Variants in KLHL8 observed in about 807,000 individuals in gnomAD.
KLHL8 encodes the protein kelch like family member 8.
Under a neutral mutation model 63.5 loss-of-function variants are expected in KLHL8, and 38 were observed. The observed-to-expected ratio is 0.60, with a 90% CI of 0.46 to 0.78. The LOEUF (loss-of-function observed/expected upper bound fraction) is 0.78, where lower values mean the gene tolerates loss of function less well. KLHL8 is among the 30% of genes least tolerant of loss of function. KLHL8 has a pLI of 0.00. For missense variants in KLHL8, 566 were observed against 752.4 expected, an observed-to-expected ratio of 0.75 and a Z score of 2.90; for synonymous variants, 224 against 254.3, an observed-to-expected ratio of 0.88 and a Z score of 1.13.
intron 8 of KLHL8, chr4:87,167,143 T>TA: frequency 2.0e-6 from 1 of 490,154 alleles, no homozygotes; most frequent in South Asian, 1.8e-5. Flanking sequence ...TTTATCAAGA[T>TA]AAAAGGATTT....
intron 2 of KLHL8, among the ~76,000 whole-genome samples, chr4:87,190,649 A>T (rs1293809850): frequency 6.6e-6 from 1 of 152,068 alleles, no homozygotes; most frequent in Non-Finnish European, 1.5e-5. Flanking sequence ...GTCTTTAAAA[A>T]AAAAAAAAAA....
intron 7 of KLHL8, 95 bp from the exon 8 acceptor site, chr4:87,170,333 G>T: frequency 7.0e-7 from 1 of 1,434,366 alleles, no homozygotes; most frequent in Non-Finnish European, 9.5e-7. Context: ...AGTATTTCAG[G>T]AAATAATATG....
At chr4:87,191,178 A>AT (rs201550575) in intron 2 of KLHL8, among the ~76,000 whole-genome samples, 3,402 of 152,282 alleles carry the variant, frequency 0.022, 67 homozygotes, top group Non-Finnish European at 0.036. Flanking sequence ...TATTTTTTAA[A>AT]TTACTAGAGG....
chr4:87,194,577 G>A (rs1731623481), intron 2 of KLHL8, among the ~76,000 whole-genome samples: 1 of 152,160 alleles, frequency 6.6e-6, no homozygotes, highest in South Asian at 2.1e-4. Context: ...AGGCGGCTGT[G>A]GCAGGAGGAC....
chr4:87,212,018 G>A (rs1204534782), intron 1 of KLHL8, among the ~76,000 whole-genome samples: 5 of 151,952 alleles, frequency 3.3e-5, no homozygotes, highest in Middle Eastern at 3.2e-3. Context: ...CTGTCCTTAC[G>A]TATAGAAAAA....
In KLHL8 at chr4:87,183,355, A is replaced by G. The variant is rs753972535; in HGVS notation, c.800T>C (p.Met267Thr). 8.1e-6 allele frequency: 13 copies of G among 1,610,854 alleles called. No individual in the cohort carries two copies. In the Middle Eastern group the frequency reaches 4.9e-4, roughly 61 times the overall value. ...AATCTGTTCTTTTGCCACAACACCCATAAGAAAATCAACCGGCAACAATGG... is the reference window on the plus strand; with the variant it reads ...AATCTGTTCTTTTGCCACAACACCCGTAAGAAAATCAACCGGCAACAATGG... ...RLPLLPVDFL[M>T]GVVAKEQIVK... is the part of the protein sequence containing the mutation. The change falls in exon 4 of 10, where the codon ATG (methionine) becomes ACG (threonine). Residue 267 changes from methionine to threonine, a missense_variant. Transcript: ENST00000273963.
intron 8 of KLHL8, among the ~76,000 whole-genome samples, chr4:87,169,204 C>T (rs1202747424): frequency 6.6e-6 from 1 of 152,144 alleles, no homozygotes; most frequent in Non-Finnish European, 1.5e-5. Context: ...ACTCAGAAGG[C>T]TGAGGCAGGA....
intron 8 of KLHL8, chr4:87,166,797 C>T (rs1730416596): frequency 6.5e-6 from 1 of 153,568 alleles, no homozygotes. Flanking sequence ...AATTACTGAA[C>T]ACTACAGCCA....
chr4:87,195,601 G>T lies in KLHL8; in HGVS notation c.-62C>A. ...AACATGCCATTTATTTTTTTTCAAAGGGTAGAGAGAAGGCAGAAGGTAGAT... is the reference window on the plus strand; with the variant it reads ...AACATGCCATTTATTTTTTTTCAAATGGTAGAGAGAAGGCAGAAGGTAGAT... On this transcript the variant is annotated 5_prime_UTR_variant, in exon 2 of 10. Transcript: ENST00000273963. The T allele has an allele frequency of 7.0e-7, 1 of 1,425,360 alleles. No homozygotes were observed. Among genetic ancestry groups the T allele is most frequent in the Non-Finnish European group, 9.8e-7 (1 of 1,021,460 alleles). 88.3% of individuals were successfully genotyped at this position (1,425,360 alleles called of 1,614,324 possible).
intron 1 of KLHL8, among the ~76,000 whole-genome samples, chr4:87,230,081 G>A (rs889735521): frequency 6.6e-6 from 1 of 152,102 alleles, no homozygotes; most frequent in African/African-American, 2.4e-5. Flanking sequence ...GTTTAGTAAA[G>A]GTGTGGACAG....
chr4:87,167,388 C>A, intron 8 of KLHL8: 1 of 450,346 alleles, frequency 2.2e-6, no homozygotes. Flanking sequence ...TCATCCTGGT[C>A]ATGGAGATTT....
chr4:87,163,677 A>G lies in KLHL8; in HGVS notation c.1740-35T>C, dbSNP rs551817861. 27 of 1,610,854 alleles carry G rather than the reference A, an allele frequency of 1.7e-5. No individual in the cohort carries two copies. The South Asian group carries it at 2.0e-4, about 12-fold the overall frequency. On this transcript the variant is annotated intron_variant, in intron 9 of 9. Coordinates refer to ENST00000273963, the MANE Select transcript of KLHL8 (RefSeq NM_020803.5). ...CGGAGAAGAAAAAATGTTACAAAGC[A>G]TAATTTACTTTACTCAAAATACTAA... is the stretch of plus-strand genomic sequence containing the variant.
chr4:87,229,440 G>T (rs763601054), intron 1 of KLHL8, among the ~76,000 whole-genome samples: 18 of 19,382 alleles, frequency 9.3e-4, no homozygotes, highest in Admixed American at 3.5e-3. Flanking sequence ...TTTTTTGGTG[G>T]GGGGGGGTGC....
chr4:87,185,888 T>A, intron 2 of KLHL8, 89 bp from the exon 3 acceptor site: 1 of 1,106,886 alleles, frequency 9.0e-7, no homozygotes, highest in Non-Finnish European at 1.3e-6. Context: ...AGGGACAAAA[T>A]TTCCAGACAA....
intron 1 of KLHL8, among the ~76,000 whole-genome samples, chr4:87,238,623 G>T (rs1222043320): frequency 6.6e-6 from 1 of 152,176 alleles, no homozygotes; most frequent in Non-Finnish European, 1.5e-5. Context: ...AAAGAAAATT[G>T]TTAATTTTAT....
chr4:87,229,368 T>G (rs1211492961), intron 1 of KLHL8, among the ~76,000 whole-genome samples: 1 of 152,024 alleles, frequency 6.6e-6, no homozygotes, highest in Non-Finnish European at 1.5e-5. Flanking sequence ...TCAGCCCGAA[T>G]TTTTGAAACC....
chr4:87,218,478 A>G (rs1263124895), intron 1 of KLHL8, among the ~76,000 whole-genome samples: 2 of 152,094 alleles, frequency 1.3e-5, no homozygotes, highest in Admixed American at 6.5e-5. Flanking sequence ...CGGCCTCCCA[A>G]AGTGTTGGGA....
chr4:87,236,996 A>C (rs1342485930), intron 1 of KLHL8, among the ~76,000 whole-genome samples: 2 of 152,178 alleles, frequency 1.3e-5, no homozygotes, highest in African/African-American at 4.8e-5. Context: ...TGACAATAAC[A>C]ATCTCAAACA....
At chr4:87,208,205 C>T (rs1732230305) in intron 1 of KLHL8, 1 of 327,588 alleles carries the variant, frequency 3.1e-6, no homozygotes, top group South Asian at 2.6e-5. Context: ...CCCCTCCTCA[C>T]TTTCCATGTA....
Sources: gnomAD v4.1 joint callset for allele counts (sites outside exome capture counted in the v4.1 genomes callset) on GRCh38, gnomAD v4.1.1 for gene constraint, MANE v1.5 for transcripts, NCBI Gene and HGNC (gene_info 2026-07-23, HGNC 2026-07-21) for gene names.